The following DTD2 variants were observed in gnomAD, a reference collection of about 807,000 sequenced individuals.
DTD2 encodes the protein D-tyrosyl-tRNA deacylase 2 (putative).
Under a neutral mutation model 15.5 loss-of-function variants are expected in DTD2, and 12 were observed. The observed-to-expected ratio is 0.77, with a 90% CI of 0.50 to 1.25. The LOEUF is 1.25. Ranked by LOEUF, DTD2 falls within the 50% of genes most tolerant of loss-of-function variation. The probability of loss-of-function intolerance (pLI) is 0.00; values close to 1 mark genes in which losing one functional copy is unlikely to be tolerated. For missense variants in DTD2, 170 were observed against 201.1 expected (o/e 0.85, Z 0.93); for synonymous variants, 59 against 77.3 (o/e 0.76, Z 1.24).
rs1487808547 is a variant in DTD2, at chr14:31,457,134, C to T, written c.111+149G>A. The T allele has an allele frequency of 7.2e-6, 5 of 692,944 alleles. No homozygotes were observed. The African/African-American group carries it at 7.4e-5, about 10-fold the overall frequency. 42.9% of individuals were successfully genotyped at this position (692,944 alleles called of 1,614,324 possible). ...AAAAGACAAGCGCAGCCAGGCAGGCCACCGCGGCCAGCTTCAAGCTGACCC... is the reference window on the plus strand; with the variant it reads ...AAAAGACAAGCGCAGCCAGGCAGGCTACCGCGGCCAGCTTCAAGCTGACCC... On this transcript the variant is annotated intron_variant, in intron 1 of 2. Transcript: ENST00000310850.
rs1166221330 is a variant in DTD2, at chr14:31,448,126, T to C, written c.*3A>G. 2 of 1,583,946 alleles carry C rather than the reference T, an allele frequency of 1.3e-6. No individual in the cohort carries two copies. The highest frequency in any genetic ancestry group is 1.7e-6 in the Non-Finnish European group (2 of 1,166,070). Reference sequence around the variant, plus strand: ...AACAGCTATAGAAACTAGTTTTTCATTTTCAAAACTCAATTAAGTGTGTGA... The same window carrying C: ...AACAGCTATAGAAACTAGTTTTTCACTTTCAAAACTCAATTAAGTGTGTGA... On this transcript the variant is annotated 3_prime_UTR_variant, in exon 3 of 3. Transcript: ENST00000310850.
Position 31,457,439 on chromosome 14 carries a change from G to C in DTD2, c.-46C>G. ...CCGGACAGTTACTAGGCCATGTGTCGCTGGCCCCTCCCTCGACGCGCTGGC... is the reference window on the plus strand; with the variant it reads ...CCGGACAGTTACTAGGCCATGTGTCCCTGGCCCCTCCCTCGACGCGCTGGC... On this transcript the variant is annotated 5_prime_UTR_variant, in exon 1 of 3. Coordinates refer to ENST00000310850, the MANE Select transcript of DTD2 (RefSeq NM_080664.3). 7.4e-7 allele frequency: 1 copy of C among 1,347,756 alleles called. No homozygotes were observed. Among genetic ancestry groups the C allele is most frequent in the South Asian group, 1.6e-5 (1 of 63,360 alleles). The allele number at this position is 1,347,756 out of a possible 1,614,324, so 83.5% of individuals were successfully genotyped here. A position where few individuals can be genotyped will look rare whatever the true frequency, so the allele number is the denominator to read the frequency against.
At chr14:31,452,409 T>C (rs2032046038) in intron 2 of DTD2, 1 of 152,244 alleles carries the variant, frequency 6.6e-6, no homozygotes, top group East Asian at 1.9e-4. Context: ...TGTGTGTATG[T>C]GTATGTGTGT....
intron 2 of DTD2, among the ~76,000 whole-genome samples, chr14:31,449,424 A>G (rs1049805458): frequency 3.3e-5 from 5 of 152,342 alleles, no homozygotes; most frequent in African/African-American, 9.6e-5. Flanking sequence ...TCAGAAATTC[A>G]TTGTTACAAC....
intron 2 of DTD2, among the ~76,000 whole-genome samples, chr14:31,449,178 C>A (rs2032000344): frequency 6.6e-6 from 1 of 152,210 alleles, no homozygotes; most frequent in African/African-American, 2.4e-5. Flanking sequence ...CAGGCGTGAG[C>A]CACCACGCCC....
chr14:31,457,144 A>T (rs917138298), intron 1 of DTD2, 139 bp downstream of exon 1: 1 of 761,146 alleles, frequency 1.3e-6, no homozygotes, highest in Non-Finnish European at 2.1e-6. Flanking sequence ...CACCGCGGCC[A>T]GCTTCAAGCT....
At chr14:31,454,055 A>G (rs768599260) in intron 1 of DTD2, among the ~76,000 whole-genome samples, 4 of 152,250 alleles carry the variant, frequency 2.6e-5, no homozygotes, top group Non-Finnish European at 4.4e-5. Flanking sequence ...AGACATTTGA[A>G]TAGTGACTTT....
chr14:31,453,169 G>T, intron 2 of DTD2, 106 bp downstream of exon 2: 2 of 1,062,336 alleles, frequency 1.9e-6, no homozygotes, highest in Non-Finnish European at 2.9e-6. Context: ...TAACTCCTGG[G>T]TTCAAGTAAT....
At chr14:31,455,221 A>G (rs903463861) in intron 1 of DTD2, among the ~76,000 whole-genome samples, 9 of 152,204 alleles carry the variant, frequency 5.9e-5, no homozygotes, top group African/African-American at 1.9e-4. Flanking sequence ...TAAATGACTG[A>G]TAGTTTGCAA....
chr14:31,451,618 A>G (rs962670319), intron 2 of DTD2, among the ~76,000 whole-genome samples: 15 of 152,302 alleles, frequency 9.8e-5, no homozygotes, highest in Admixed American at 5.2e-4. Flanking sequence ...CTTTTGACAA[A>G]GTTGTCAGAC....
At chr14:31,452,938 CTT>C (rs552520429) in intron 2 of DTD2, 164 of 142,432 alleles carry the variant, frequency 1.2e-3, no homozygotes, top group Middle Eastern at 6.9e-3. Context: ...TTCTCACTCT[CTT>C]TTTTTTTTTT....
rs575949108 is a variant in DTD2 at position 31,446,415 on chromosome 14, A to C, written c.*1714T>G. 1.9e-4 allele frequency: 29 copies of C among 152,122 alleles called. 1 individual carries two copies. The South Asian group carries it at 5.6e-3, about 29-fold the overall frequency. 9.4% of individuals were successfully genotyped at this position (152,122 alleles called of 1,614,324 possible). A position where few individuals can be genotyped will look rare whatever the true frequency, so the allele number is the denominator to read the frequency against. On this transcript the variant is annotated 3_prime_UTR_variant, in exon 3 of 3. Coordinates refer to ENST00000310850, the MANE Select transcript of DTD2 (RefSeq NM_080664.3). ...CTCTTACTGACTTAATTATTCTTTC[A>C]ATTTCTTGTATATCTTCCTCTCTTG...
chr14:31,455,466 GC>G (rs953239989), intron 1 of DTD2, among the ~76,000 whole-genome samples: 48 of 148,422 alleles, frequency 3.2e-4, no homozygotes, highest in African/African-American at 1.2e-3. Flanking sequence ...CAGGAGAATG[GC>G]GTGAACCCGG....
chr14:31,452,189 A>G (rs993687266), intron 2 of DTD2: 1 of 152,246 alleles, frequency 6.6e-6, no homozygotes, highest in African/African-American at 2.4e-5. Flanking sequence ...AAGTGCACAC[A>G]TGGCTAATGC....
intron 1 of DTD2, among the ~76,000 whole-genome samples, chr14:31,454,557 A>G (rs2139363705): frequency 6.6e-6 from 1 of 152,324 alleles, no homozygotes; most frequent in African/African-American, 2.4e-5. Flanking sequence ...AGGCCTCTCC[A>G]CTAGTATTGT....
intron 2 of DTD2, 111 bp downstream of exon 2, chr14:31,453,164 C>T (rs2032057363): frequency 1.0e-6 from 1 of 1,001,976 alleles, no homozygotes; most frequent in Non-Finnish European, 1.5e-6. Context: ...GCTTCTAACT[C>T]CTGGGTTCAA....
At chr14:31,457,223 A>G in intron 1 of DTD2, 60 bp downstream of exon 1, 1 of 1,450,052 alleles carries the variant, frequency 6.9e-7, no homozygotes, top group South Asian at 1.2e-5. Flanking sequence ...TCACCGAGAC[A>G]ACGCGGAAAA....
rs757187922 is a variant in DTD2, at chr14:31,453,347, A to T, written c.112-3T>A. 3.0e-5 allele frequency: 49 copies of T among 1,613,786 alleles called. No individual in the cohort carries two copies. The highest frequency in any genetic ancestry group is 4.2e-5 in the Non-Finnish European group (49 of 1,179,898). Reference sequence around the variant, plus strand: ...TAGATCACCAGTCCTCTTTGGACCTATGAGAAATCACCACAGTAAACTCAG... The same window carrying T: ...TAGATCACCAGTCCTCTTTGGACCTTTGAGAAATCACCACAGTAAACTCAG... On this transcript the variant is annotated splice_region_variant and splice_polypyrimidine_tract_variant and intron_variant, in intron 1 of 2. Transcript: ENST00000310850.
rs531926720 is a variant in DTD2 at position 31,457,432 on chromosome 14, A to T, written c.-39T>A. On this transcript the variant is annotated 5_prime_UTR_variant, in exon 1 of 3. An upstream start codon of the reference 5' UTR is lost. Transcript: ENST00000310850. ...GCCGCGGCCGGACAGTTACTAGGCC[A>T]TGTGTCGCTGGCCCCTCCCTCGACG... is the stretch of plus-strand genomic sequence containing the variant. 2.4e-5 allele frequency: 33 copies of T among 1,396,096 alleles called. No individual in the cohort carries two copies. Among genetic ancestry groups the T allele is most frequent in the African/African-American group, 8.9e-5 (6 of 67,080 alleles). The allele number at this position is 1,396,096 out of a possible 1,614,324, so 86.5% of individuals were successfully genotyped here. A position where few individuals can be genotyped will look rare whatever the true frequency, so the allele number is the denominator to read the frequency against.
Sources: gnomAD v4.1 joint callset for allele counts (sites outside exome capture counted in the v4.1 genomes callset) on GRCh38, gnomAD v4.1.1 for gene constraint, MANE v1.5 for transcripts, NCBI Gene and HGNC (gene_info 2026-07-23, HGNC 2026-07-21) for gene names.